NUP98: variants seen among roughly 807,000 people sequenced by gnomAD.
NUP98 encodes the protein nucleoporin 98 and 96 precursor, also known as nuclear pore complex protein Nup98-Nup96.
NUP98 carries 26 observed loss-of-function variants against 191.9 expected under a neutral mutation model. The observed-to-expected ratio is 0.14, with a 90% CI of 0.10 to 0.19. The LOEUF (loss-of-function observed/expected upper bound fraction) is 0.19. Ranked by LOEUF, NUP98 falls within the 10% of genes least tolerant of loss-of-function variation. NUP98 has a pLI of 1.00. For synonymous variants in NUP98, 808 were observed against 778.4 expected (o/e 1.04, Z -0.63); for missense variants, 1,941 against 2,178.8 (o/e 0.89, Z 2.17).
At chr11:3,697,972 C>A (rs2078564413) in intron 25 of NUP98, among the ~76,000 whole-genome samples, 1 of 151,806 alleles carries the variant, frequency 6.6e-6, no homozygotes, top group African/African-American at 2.4e-5. Flanking sequence ...CCCAGAAATT[C>A]AACTTCTATA....
At chr11:3,712,272 A>G in intron 20 of NUP98, 1 of 1,167,402 alleles carries the variant, frequency 8.6e-7, no homozygotes, top group Non-Finnish European at 1.1e-6. Flanking sequence ...TCTTAAGTTA[A>G]TCACTGAGCA....
chr11:3,766,003 T>A (rs2081326578), intron 8 of NUP98, among the ~76,000 whole-genome samples: 1 of 152,142 alleles, frequency 6.6e-6, no homozygotes, highest in Admixed American at 6.6e-5. Context: ...ATTTCTGGAC[T>A]CTCACTTCTA....
chr11:3,693,659 T>C (rs2078394807), intron 26 of NUP98, among the ~76,000 whole-genome samples: 2 of 152,250 alleles, frequency 1.3e-5, no homozygotes, highest in Admixed American at 6.5e-5. Flanking sequence ...TCCCAAAGCA[T>C]TGTGATTACA....
intron 5 of NUP98, among the ~76,000 whole-genome samples, chr11:3,774,095 T>C (rs1365587664): frequency 1.3e-5 from 2 of 152,070 alleles, no homozygotes; most frequent in African/African-American, 4.8e-5. Flanking sequence ...CGCCCTGTAA[T>C]GCTGCATTAA....
rs938851531 is a variant in NUP98, at chr11:3,698,917, T to C, written c.4009+165A>G. The C allele has an allele frequency of 5.1e-5, 38 of 740,540 alleles. No homozygotes were observed. The Admixed American group carries it at 8.0e-4, about 16-fold the overall frequency. The allele number at this position is 740,540 out of a possible 1,614,324, so 45.9% of individuals were successfully genotyped here. ...TTACTTGATTAAAAGTTAAATTTTA[T>C]GTTATATTACATATTCCACGGGAAC... On this transcript the variant is annotated intron_variant, in intron 25 of 32. Transcript: ENST00000324932.
intron 11 of NUP98, among the ~76,000 whole-genome samples, chr11:3,752,655 C>T (rs1209355597): frequency 6.6e-6 from 1 of 151,232 alleles, no homozygotes; most frequent in Non-Finnish European, 1.5e-5. Context: ...AACTAAATGA[C>T]CACACCTGCA....
At chr11:3,738,309 T>C (rs1266861052) in intron 12 of NUP98, among the ~76,000 whole-genome samples, 2 of 152,120 alleles carry the variant, frequency 1.3e-5, no homozygotes, top group Admixed American at 6.6e-5. Context: ...TTGGTCAAAA[T>C]AATTTGAAAA....
At chr11:3,794,676 GTGCAATCACAGCAC>G (rs1396746171) in intron 1 of NUP98, among the ~76,000 whole-genome samples, 1 of 152,158 alleles carries the variant, frequency 6.6e-6, no homozygotes, top group Non-Finnish European at 1.5e-5. Flanking sequence ...GAAAGCAGTG[GTGCAATCACAGCAC>G]TGCAGTCTCA....
intron 1 of NUP98, among the ~76,000 whole-genome samples, chr11:3,791,142 C>T (rs188977875): frequency 6.6e-6 from 1 of 151,740 alleles, no homozygotes; most frequent in Non-Finnish European, 1.5e-5. Flanking sequence ...TGATCCGCCC[C>T]CCTCAGCCTC....
intron 25 of NUP98, among the ~76,000 whole-genome samples, chr11:3,696,233 G>T (rs746707500): frequency 4.6e-5 from 7 of 152,008 alleles, no homozygotes; most frequent in Non-Finnish European, 1.0e-4. Context: ...TGGGCACGGT[G>T]GCTCACACCT....
chr11:3,718,611 G>C (rs1455850220), intron 18 of NUP98, among the ~76,000 whole-genome samples: 2 of 151,960 alleles, frequency 1.3e-5, no homozygotes, highest in African/African-American at 4.8e-5. Flanking sequence ...GGAAAGGAAA[G>C]GATCGATTGA....
At chr11:3,739,797 A>G (rs538005599) in intron 12 of NUP98, among the ~76,000 whole-genome samples, 6 of 152,248 alleles carry the variant, frequency 3.9e-5, no homozygotes, top group African/African-American at 1.4e-4. Context: ...CTTAGAGTAC[A>G]CTCAAAAGCA....
chr11:3,731,946 T>A (rs1589829767), intron 13 of NUP98, among the ~76,000 whole-genome samples: 1 of 152,316 alleles, frequency 6.6e-6, no homozygotes, highest in African/African-American at 2.4e-5. Context: ...GATTTTCAAT[T>A]TTTGGATTTG....
At chr11:3,685,664 T>C (rs1025642474) in intron 29 of NUP98, among the ~76,000 whole-genome samples, 10 of 152,248 alleles carry the variant, frequency 6.6e-5, no homozygotes, top group Non-Finnish European at 1.0e-4. Flanking sequence ...TCTTCGACTC[T>C]TACCTCTATG....
At chr11:3,768,420 CAA>C (rs367855588) in intron 8 of NUP98, among the ~76,000 whole-genome samples, 159 bp downstream of exon 8, 11 of 79,404 alleles carry the variant, frequency 1.4e-4, no homozygotes, top group Admixed American at 2.9e-4. Flanking sequence ...GACTCCATCT[CAA>C]AAAAAAAAAA....
chr11:3,789,635 C>G (rs1369096973), intron 1 of NUP98, among the ~76,000 whole-genome samples: 1 of 151,510 alleles, frequency 6.6e-6, no homozygotes, highest in Non-Finnish European at 1.5e-5. Flanking sequence ...CCCACTTTAG[C>G]CTCCCAAAAA....
intron 11 of NUP98, among the ~76,000 whole-genome samples, chr11:3,748,054 G>C (rs2080575407): frequency 6.6e-6 from 1 of 152,142 alleles, no homozygotes; most frequent in Admixed American, 6.6e-5. Flanking sequence ...CATGTATAAG[G>C]AATATACAAC....
intron 28 of NUP98, among the ~76,000 whole-genome samples, chr11:3,689,090 AG>A (rs1045146085): frequency 6.6e-6 from 1 of 151,286 alleles, no homozygotes; most frequent in African/African-American, 2.4e-5. Context: ...GAATTAGCTG[AG>A]TATGGTGGTG....
chr11:3,729,504 C>T (rs1305908842), intron 14 of NUP98, among the ~76,000 whole-genome samples: 5 of 132,140 alleles, frequency 3.8e-5, no homozygotes, highest in South Asian at 2.4e-4. Flanking sequence ...CCCAGGAGTT[C>T]GAGACCACCG....
Sources: allele counts gnomAD v4.1 joint callset (sites outside exome capture counted in the v4.1 genomes callset), GRCh38; gene constraint gnomAD v4.1.1; transcripts MANE v1.5; gene names NCBI Gene and HGNC (gene_info 2026-07-23, HGNC 2026-07-21).